Variants in LDLRAD4 observed in about 807,000 individuals in gnomAD.
LDLRAD4 encodes the protein low density lipoprotein receptor class A domain containing 4.
In LDLRAD4, 5 loss-of-function variants were observed where a neutral mutation model predicts 17.0. That is an observed-to-expected ratio of 0.29 (90% CI 0.15 to 0.62). LDLRAD4 has a LOEUF of 0.62. Ranked by LOEUF, LDLRAD4 falls within the 20% of genes least tolerant of loss-of-function variation. The probability of loss-of-function intolerance (pLI) is 0.84; values close to 1 mark genes in which losing one functional copy is unlikely to be tolerated. For synonymous variants in LDLRAD4, 168 were observed against 171.8 expected, an observed-to-expected ratio of 0.98 and a Z score of 0.17; for missense variants, 340 against 424.7, an observed-to-expected ratio of 0.80 and a Z score of 1.75.
intron 3 of LDLRAD4, among the ~76,000 whole-genome samples, chr18:13,539,099 ACT>A (rs1325412456): frequency 6.6e-6 from 1 of 152,006 alleles, no homozygotes; most frequent in African/African-American, 2.4e-5. Context: ...TCTGCCAAGT[ACT>A]CTTTTTCTCA....
intron 3 of LDLRAD4, among the ~76,000 whole-genome samples, chr18:13,590,081 ATGTGTG>A (rs1436127622): frequency 9.0e-4 from 132 of 146,244 alleles, no homozygotes; most frequent in African/African-American, 3.1e-3. Flanking sequence ...GTGGGTGTGC[ATGTGTG>A]GGTGTGAGTG....
intron 1 of LDLRAD4, among the ~76,000 whole-genome samples, chr18:13,298,459 G>T (rs1274475152): frequency 6.8e-6 from 1 of 147,542 alleles, no homozygotes; most frequent in African/African-American, 2.5e-5. Flanking sequence ...CAATTTTGCT[G>T]CTCTGGGCAC....
At chr18:13,320,325 C>T (rs903155655) in intron 1 of LDLRAD4, among the ~76,000 whole-genome samples, 2 of 152,174 alleles carry the variant, frequency 1.3e-5, no homozygotes, top group Non-Finnish European at 2.9e-5. Context: ...TAATCTGTTG[C>T]CTTTTCTTTA....
At chr18:13,409,246 T>G (rs1027304210) in intron 2 of LDLRAD4, among the ~76,000 whole-genome samples, 3 of 151,916 alleles carry the variant, frequency 2.0e-5, no homozygotes, top group African/African-American at 7.3e-5. Flanking sequence ...TGGCAGTGAG[T>G]GAGTGATTGA....
chr18:13,640,292 CAAAAA>C lies in LDLRAD4; in HGVS notation c.337-3053_337-3049del, dbSNP rs55794457. Among the ~76,000 whole-genome samples the C allele has an allele frequency of 1.2e-3, 117 of 98,446 alleles. 1 individual carries two copies. Among genetic ancestry groups the C allele is most frequent in the African/African-American group, 4.5e-3 (106 of 23,758 alleles). 64.6% of individuals were successfully genotyped at this position (98,446 alleles called of 152,430 possible). A position where few individuals can be genotyped will look rare whatever the true frequency, so the allele number is the denominator to read the frequency against. Reference sequence around the variant, plus strand: ...TGGGCAACAGAGCGAGATTCCATCTCAAAAAAAAAAAAAAAAAATGAAATCCGTTC... The same window carrying C: ...TGGGCAACAGAGCGAGATTCCATCTCAAAAAAAAAAAAATGAAATCCGTTC... On this transcript the variant is annotated intron_variant, in intron 4 of 5. Coordinates refer to ENST00000359446, the Ensembl canonical transcript of LDLRAD4.
chr18:13,448,887 C>T (rs1023664676), intron 3 of LDLRAD4, among the ~76,000 whole-genome samples: 6 of 152,154 alleles, frequency 3.9e-5, no homozygotes, highest in Non-Finnish European at 8.8e-5. Flanking sequence ...GGTGACCCTC[C>T]GAGGGCTGGA....
chr18:13,271,524 G>A (rs2044541674), intron 1 of LDLRAD4, among the ~76,000 whole-genome samples: 2 of 152,192 alleles, frequency 1.3e-5, no homozygotes. Flanking sequence ...AGTCCGGGTC[G>A]AAGGCCTCTT....
At chr18:13,360,299 T>C (rs562798847) in intron 1 of LDLRAD4, among the ~76,000 whole-genome samples, 25 of 152,246 alleles carry the variant, frequency 1.6e-4, no homozygotes, top group African/African-American at 5.8e-4. Flanking sequence ...CCTGTAGAGA[T>C]TCCCTTCTCA....
At chr18:13,320,784 C>T (rs2081175018) in intron 1 of LDLRAD4, among the ~76,000 whole-genome samples, 1 of 152,168 alleles carries the variant, frequency 6.6e-6, no homozygotes. Flanking sequence ...GACGTGTTGA[C>T]CTCATTGTTC....
intron 3 of LDLRAD4, among the ~76,000 whole-genome samples, chr18:13,550,918 T>A (rs915465577): frequency 6.6e-6 from 1 of 152,106 alleles, no homozygotes; most frequent in Non-Finnish European, 1.5e-5. Flanking sequence ...ACAGATGCTG[T>A]CACCGTGGGC....
At chr18:13,220,337 G>A (rs2041377221) in intron 1 of LDLRAD4, among the ~76,000 whole-genome samples, 1 of 152,192 alleles carries the variant, frequency 6.6e-6, no homozygotes, top group Non-Finnish European at 1.5e-5. Flanking sequence ...GTTACCCTTG[G>A]AAGGGCTTGC....
Position 13,501,571 on chromosome 18 carries a change from T to C in LDLRAD4, c.181+63187T>C, listed in dbSNP as rs549616723. On this transcript the variant is annotated intron_variant, in intron 3 of 5. Transcript: ENST00000359446. Reference sequence around the variant, plus strand: ...CTCCGGAGGTTGGCATTGTGTATTTTCAAATTGTGTTGCTTTTTTTTTTTG... The same window carrying C: ...CTCCGGAGGTTGGCATTGTGTATTTCCAAATTGTGTTGCTTTTTTTTTTTG... Among the ~76,000 whole-genome samples the C allele has an allele frequency of 1.2e-4, 15 of 124,650 alleles. No homozygotes were observed. The East Asian group carries it at 2.7e-3, about 23-fold the overall frequency. The allele number at this position is 124,650 out of a possible 152,430, so 81.8% of individuals were successfully genotyped here.
At position 13,506,327 on chromosome 18, in the gene LDLRAD4, C is replaced by A. The variant is rs151071096; in HGVS notation, c.181+67943C>A. 4.9e-4 allele frequency among the ~76,000 whole-genome samples: 74 copies of A among 150,948 alleles called. 2 individuals carry two copies. In the East Asian group the frequency reaches 0.013, roughly 26 times the overall value. Reference sequence around the variant, plus strand: ...TGTTGGTGTGCCGCACCCATTAACTCGTCATTTACATTAGGTATATCTCCT... The same window carrying A: ...TGTTGGTGTGCCGCACCCATTAACTAGTCATTTACATTAGGTATATCTCCT... On this transcript the variant is annotated intron_variant, in intron 3 of 5. Coordinates refer to ENST00000359446, the Ensembl canonical transcript of LDLRAD4.
intron 1 of LDLRAD4, among the ~76,000 whole-genome samples, chr18:13,267,388 C>T (rs2044280557): frequency 6.6e-6 from 1 of 152,200 alleles, no homozygotes; most frequent in Non-Finnish European, 1.5e-5. Flanking sequence ...AGTGGTCTAT[C>T]TCATTTATTT....
chr18:13,424,627 G>C (rs570932759), intron 2 of LDLRAD4, among the ~76,000 whole-genome samples: 1 of 152,318 alleles, frequency 6.6e-6, no homozygotes, highest in African/African-American at 2.4e-5. Context: ...GTGGTACTCA[G>C]TTCCTGGATG....
At chr18:13,464,296 G>A (rs2092543741) in intron 3 of LDLRAD4, among the ~76,000 whole-genome samples, 3 of 152,234 alleles carry the variant, frequency 2.0e-5, no homozygotes, top group South Asian at 4.1e-4. Context: ...CAGCAGAGAA[G>A]TATTTGGGCA....
chr18:13,341,319 G>A (rs956156854), intron 1 of LDLRAD4, among the ~76,000 whole-genome samples: 4 of 152,018 alleles, frequency 2.6e-5, no homozygotes, highest in South Asian at 2.1e-4. Flanking sequence ...ATCACTTCAG[G>A]TAGTACTGAT....
At chr18:13,616,001 G>T (rs187765384) in intron 3 of LDLRAD4, 1 of 152,114 alleles carries the variant, frequency 6.6e-6, no homozygotes, top group South Asian at 2.1e-4. Context: ...CTATTCCTGC[G>T]GGTTTTATTT....
In LDLRAD4 at chr18:13,258,089, A is replaced by G. The variant is rs114801946; in HGVS notation, c.-466-20016A>G. Among the ~76,000 whole-genome samples the G allele has an allele frequency of 7.0e-3, 1,071 of 152,344 alleles. 12 individuals carry two copies. The highest frequency in any genetic ancestry group is 0.025 in the African/African-American group (1,022 of 41,590). On this transcript the variant is annotated intron_variant, in intron 1 of 5. Coordinates refer to the LDLRAD4 transcript ENST00000399848. ...AGAAAAAAGCATACAATGGCCAGATAGTGGTTGAAAACATGTTAGATCTCC... is the reference window on the plus strand; with the variant it reads ...AGAAAAAAGCATACAATGGCCAGATGGTGGTTGAAAACATGTTAGATCTCC...
Sources: gnomAD v4.1 joint callset for allele counts (sites outside exome capture counted in the v4.1 genomes callset) on GRCh38, gnomAD v4.1.1 for gene constraint, MANE v1.5 for transcripts, NCBI Gene and HGNC (gene_info 2026-07-23, HGNC 2026-07-21) for gene names.